KITLG: variants seen among roughly 807,000 people sequenced by gnomAD.
KITLG encodes the protein KIT ligand, also known as c-Kit ligand.
A neutral mutation model predicts 34.1 loss-of-function variants in KITLG; 13 were observed. The ratio of observed to expected loss-of-function variants is 0.38; its 90% CI spans 0.25 to 0.61. The LOEUF (loss-of-function observed/expected upper bound fraction) is 0.61, where lower values mean the gene tolerates loss of function less well. Ranked by LOEUF, KITLG falls within the 20% of genes least tolerant of loss-of-function variation. The probability of loss-of-function intolerance (pLI) is 0.60; values close to 1 mark genes in which losing one functional copy is unlikely to be tolerated. For synonymous variants in KITLG, 110 were observed against 104.0 expected (o/e 1.06, Z -0.35); for missense variants, 292 against 318.9 (o/e 0.92, Z 0.64).
At chr12:88,511,890 C>T (rs1337285163) in intron 6 of KITLG, among the ~76,000 whole-genome samples, 4 of 152,110 alleles carry the variant, frequency 2.6e-5, no homozygotes. Context: ...AAAGATAAAC[C>T]TCATCTGCTA....
In KITLG at chr12:88,580,396, C is replaced by G; in HGVS notation, c.-118G>C. The G allele has an allele frequency of 8.2e-7, 1 of 1,219,934 alleles. No homozygotes were observed. Among genetic ancestry groups the G allele is most frequent in the East Asian group, 2.5e-5 (1 of 39,412 alleles). The allele number at this position is 1,219,934 out of a possible 1,614,324, so 75.6% of individuals were successfully genotyped here. On this transcript the variant is annotated 5_prime_UTR_variant, in exon 1 of 10. Coordinates refer to ENST00000644744, the MANE Select transcript of KITLG (RefSeq NM_000899.5). ...GGCAGATAGTCCACGCATTGGGTAG[C>G]CCGAGCGCAGCGCCCTCTCCACTGT...
intron 9 of KITLG, among the ~76,000 whole-genome samples, chr12:88,503,767 G>A (rs1294160226): frequency 6.6e-6 from 1 of 152,090 alleles, no homozygotes; most frequent in Non-Finnish European, 1.5e-5. Flanking sequence ...TGTCTGCCAT[G>A]CGTTTATGTT....
At chr12:88,525,848 T>C (rs1338173357) in intron 3 of KITLG, among the ~76,000 whole-genome samples, 1 of 152,098 alleles carries the variant, frequency 6.6e-6, no homozygotes, top group Non-Finnish European at 1.5e-5. Context: ...CCTGATCAAA[T>C]GATACATGGG....
At chr12:88,561,658 C>T (rs1871302073) in intron 1 of KITLG, among the ~76,000 whole-genome samples, 1 of 152,242 alleles carries the variant, frequency 6.6e-6, no homozygotes, top group South Asian at 2.1e-4. Context: ...TACAGTAAGA[C>T]TCCAACTCCT....
intron 1 of KITLG, among the ~76,000 whole-genome samples, chr12:88,570,868 A>G (rs550746816): frequency 1.1e-4 from 16 of 152,344 alleles, no homozygotes; most frequent in African/African-American, 3.8e-4. Flanking sequence ...AGTAATTCAC[A>G]GTTATTAACT....
At chr12:88,563,012 A>G (rs1592586005) in intron 1 of KITLG, among the ~76,000 whole-genome samples, 1 of 152,256 alleles carries the variant, frequency 6.6e-6, no homozygotes, top group Non-Finnish European at 1.5e-5. Flanking sequence ...GTCCTGCAGT[A>G]AGTTCACTGG....
chr12:88,560,383 C>G (rs979952529), intron 1 of KITLG, among the ~76,000 whole-genome samples: 2 of 152,048 alleles, frequency 1.3e-5, no homozygotes, highest in African/African-American at 4.8e-5. Context: ...ACAATACAAC[C>G]CATTTTTTAA....
chr12:88,499,355 C>T (rs1419758857), intron 9 of KITLG, among the ~76,000 whole-genome samples: 5 of 152,168 alleles, frequency 3.3e-5, no homozygotes, highest in Admixed American at 3.3e-4. Context: ...TTGTCTTCAG[C>T]TTGTCCTTTA....
intron 6 of KITLG, among the ~76,000 whole-genome samples, chr12:88,509,075 A>G (rs1034505990): frequency 6.6e-6 from 1 of 152,204 alleles, no homozygotes; most frequent in Non-Finnish European, 1.5e-5. Context: ...ATGTAATTAC[A>G]ATAGATTTAC....
intron 1 of KITLG, among the ~76,000 whole-genome samples, chr12:88,572,179 T>C (rs961587463): frequency 1.3e-5 from 2 of 152,124 alleles, no homozygotes; most frequent in Non-Finnish European, 2.9e-5. Context: ...TGTACAGAAG[T>C]GCAAACAATA....
In KITLG at chr12:88,571,847, G is replaced by A. The variant is rs898425626; in HGVS notation, c.15+8417C>T. Among the ~76,000 whole-genome samples, 49 of 152,194 alleles carry A rather than the reference G, an allele frequency of 3.2e-4. 1 individual carries two copies. Among genetic ancestry groups the A allele is most frequent in the Middle Eastern group, 6.8e-3 (2 of 294 alleles). ...GGTATTAAATAAGCCACACTAATGC[G>A]CTGTGGTTAATGCCAGCTGAGTCTC... On this transcript the variant is annotated intron_variant, in intron 1 of 9. Transcript: ENST00000644744.
intron 6 of KITLG, among the ~76,000 whole-genome samples, chr12:88,514,439 T>A (rs1398335479): frequency 1.3e-5 from 2 of 151,656 alleles, no homozygotes; most frequent in Non-Finnish European, 3.0e-5. Flanking sequence ...CAAACAGGGC[T>A]CTAGTCCCTT....
At chr12:88,567,886 G>T (rs1412837553) in intron 1 of KITLG, among the ~76,000 whole-genome samples, 1 of 152,172 alleles carries the variant, frequency 6.6e-6, no homozygotes, top group African/African-American at 2.4e-5. Flanking sequence ...AAGTCATACA[G>T]TTTGAAGAGA....
At chr12:88,541,764 G>A (rs1429635046) in intron 2 of KITLG, among the ~76,000 whole-genome samples, 3 of 152,010 alleles carry the variant, frequency 2.0e-5, no homozygotes, top group Admixed American at 1.3e-4. Flanking sequence ...GAAGCATTTC[G>A]AATAAAAACC....
At chr12:88,579,003 C>G (rs12304776) in intron 1 of KITLG, among the ~76,000 whole-genome samples, 3,150 of 152,236 alleles carry the variant, frequency 0.021, 102 homozygotes, top group African/African-American at 0.071. Context: ...AGAGGCACAT[C>G]GCGTCTTTTC....
At chr12:88,502,492 A>G (rs1419783181) in intron 9 of KITLG, among the ~76,000 whole-genome samples, 1 of 152,196 alleles carries the variant, frequency 6.6e-6, no homozygotes, top group African/African-American at 2.4e-5. Flanking sequence ...TCTCTCATTC[A>G]ACAAACATTT....
At chr12:88,546,766 A>G (rs1870733536) in intron 1 of KITLG, among the ~76,000 whole-genome samples, 1 of 152,236 alleles carries the variant, frequency 6.6e-6, no homozygotes, top group Non-Finnish European at 1.5e-5. Flanking sequence ...TATTGAATAT[A>G]TATTATGCAA....
At chr12:88,533,604 A>G (rs1382329752) in intron 2 of KITLG, among the ~76,000 whole-genome samples, 1 of 152,178 alleles carries the variant, frequency 6.6e-6, no homozygotes, top group Non-Finnish European at 1.5e-5. Context: ...GGGTATTAAG[A>G]TAACATATAT....
intron 6 of KITLG, among the ~76,000 whole-genome samples, chr12:88,513,814 A>G (rs545691450): frequency 2.0e-5 from 3 of 151,648 alleles, no homozygotes; most frequent in Non-Finnish European, 4.4e-5. Context: ...TCCACAATCA[A>G]AAGTTAATAT....
Sources: gnomAD v4.1 joint callset for allele counts (sites outside exome capture counted in the v4.1 genomes callset) on GRCh38, gnomAD v4.1.1 for gene constraint, MANE v1.5 for transcripts, NCBI Gene and HGNC (gene_info 2026-07-23, HGNC 2026-07-21) for gene names.